PAM: variants seen among roughly 807,000 people sequenced by gnomAD.
PAM encodes peptidylglycine alpha-amidating monooxygenase.
In PAM, 72 loss-of-function variants were observed where a neutral mutation model predicts 122.1. The ratio of observed to expected loss-of-function variants is 0.59; its 90% CI spans 0.49 to 0.72. The LOEUF (loss-of-function observed/expected upper bound fraction) is 0.72. PAM is among the 30% of genes least tolerant of loss of function. The probability of loss-of-function intolerance (pLI) is 0.00; values close to 1 mark genes in which losing one functional copy is unlikely to be tolerated. For synonymous variants in PAM, 389 were observed against 404.4 expected, an observed-to-expected ratio of 0.96 and a Z score of 0.46; for missense variants, 1,106 against 1,183.7, an observed-to-expected ratio of 0.93 and a Z score of 0.96.
At chr5:102,956,772 G>T (rs1414226538) in intron 12 of PAM, among the ~76,000 whole-genome samples, 3 of 151,712 alleles carry the variant, frequency 2.0e-5, no homozygotes, top group Admixed American at 6.6e-5. Context: ...GTAAATTATT[G>T]TCCTGATTTA....
intron 12 of PAM, 25 bp downstream of exon 12, chr5:102,950,845 TTAAAGA>T (rs1392675156): frequency 7.6e-7 from 1 of 1,312,666 alleles, no homozygotes; most frequent in Admixed American, 1.8e-5. Context: ...ATTCCACTAT[TTAAAGA>T]TATTTTATTG....
At chr5:103,027,946 A>C (rs1027462090) in intron 24 of PAM, among the ~76,000 whole-genome samples, 4 of 152,180 alleles carry the variant, frequency 2.6e-5, no homozygotes, top group South Asian at 4.1e-4. Flanking sequence ...AAGCTCAGAG[A>C]AGTAATTTAT....
chr5:102,934,275 C>T (rs898326177), intron 7 of PAM, among the ~76,000 whole-genome samples: 8 of 152,108 alleles, frequency 5.3e-5, no homozygotes, highest in African/African-American at 1.9e-4. Context: ...CCTAGCCTTC[C>T]CTGAATAGGG....
At chr5:103,006,779 G>A (rs1396621452) in intron 18 of PAM, 22 bp from the exon 19 acceptor site, 2 of 1,564,384 alleles carry the variant, frequency 1.3e-6, no homozygotes. Flanking sequence ...AGTAGGTAAG[G>A]CTTTTGTTCC....
At chr5:102,955,093 G>T (rs150139582) in intron 12 of PAM, among the ~76,000 whole-genome samples, 1 of 152,004 alleles carries the variant, frequency 6.6e-6, no homozygotes, top group Non-Finnish European at 1.5e-5. Flanking sequence ...TACTATTACC[G>T]ATTTTGCCTA....
intron 3 of PAM, among the ~76,000 whole-genome samples, chr5:102,881,565 A>G (rs1179563674): frequency 2.6e-5 from 4 of 152,034 alleles, no homozygotes; most frequent in African/African-American, 4.8e-5. Context: ...AGATCATTCT[A>G]TGGAATTTTA....
At chr5:102,950,080 T>C in intron 11 of PAM, 102 bp downstream of exon 11, 1 of 715,520 alleles carries the variant, frequency 1.4e-6, no homozygotes, top group Non-Finnish European at 2.5e-6. Context: ...TCTAAAAATC[T>C]CTAAATCTGC....
At chr5:102,899,375 T>A (rs1314691372) in intron 3 of PAM, among the ~76,000 whole-genome samples, 1 of 151,626 alleles carries the variant, frequency 6.6e-6, no homozygotes, top group African/African-American at 2.4e-5. Context: ...ACTTGCTGAA[T>A]TTGATATATC....
chr5:102,853,823 A>C (rs1218644051), intron 1 of PAM, among the ~76,000 whole-genome samples: 2 of 152,260 alleles, frequency 1.3e-5, no homozygotes, highest in Non-Finnish European at 2.9e-5. Context: ...TGAAGCCCAG[A>C]GTCACTGCCA....
At chr5:103,015,498 C>T (rs1172064702) in intron 21 of PAM, among the ~76,000 whole-genome samples, 2 of 152,128 alleles carry the variant, frequency 1.3e-5, no homozygotes, top group Non-Finnish European at 2.9e-5. Context: ...ATCTTTATGT[C>T]TGTGTAGCTC....
intron 3 of PAM, among the ~76,000 whole-genome samples, chr5:102,896,648 G>A (rs1796298348): frequency 6.6e-6 from 1 of 151,568 alleles, no homozygotes; most frequent in African/African-American, 2.4e-5. Context: ...ATTTGGGAAC[G>A]TTTTAACATA....
intron 1 of PAM, among the ~76,000 whole-genome samples, chr5:102,767,859 T>G (rs547140108): frequency 6.6e-6 from 1 of 152,298 alleles, no homozygotes; most frequent in Non-Finnish European, 1.5e-5. Flanking sequence ...TGGTGTACTC[T>G]CAAGTAGATG....
chr5:102,858,989 A>G (rs1258257612), intron 1 of PAM, among the ~76,000 whole-genome samples: 1 of 151,170 alleles, frequency 6.6e-6, no homozygotes, highest in Non-Finnish European at 1.5e-5. Context: ...GTTTGTGGTG[A>G]TGCTGATGTT....
At chr5:102,929,086 AT>A (rs749765392) in intron 7 of PAM, among the ~76,000 whole-genome samples, 16 of 151,542 alleles carry the variant, frequency 1.1e-4, no homozygotes, top group Non-Finnish European at 2.2e-4. Context: ...GGATTGGGTG[AT>A]TTTTTTTTCC....
intron 18 of PAM, 144 bp from the exon 19 acceptor site, chr5:103,006,657 G>T: frequency 1.6e-6 from 1 of 634,514 alleles, no homozygotes; most frequent in Non-Finnish European, 2.8e-6. Flanking sequence ...ATCCCGTTCA[G>T]TTCTAACAAG....
Position 102,766,926 on chromosome 5 carries a change from ATTTTTTTTTTTTTTTTTT to A in PAM, c.-374+11592_-374+11609del. Among the ~76,000 whole-genome samples, 15 of 25,856 alleles carry A rather than the reference ATTTTTTTTTTTTTTTTTT, an allele frequency of 5.8e-4. 2 individuals carry two copies. The South Asian group carries it at 0.015, about 25-fold the overall frequency. The allele number at this position is 25,856 out of a possible 152,430, so 17.0% of individuals were successfully genotyped here. On this transcript the variant is annotated intron_variant, in intron 1 of 25. Coordinates refer to ENST00000438793, the MANE Select transcript of PAM (RefSeq NM_001177306.2). ...ATTTATTTTATTGCTTCAGTTGTGG[ATTTTTTTTTTTTTTTTTT>A]TTTTTTTTTTTTTGCCATCATGCTC... is the stretch of plus-strand genomic sequence containing the variant.
chr5:102,870,407 A>G (rs1383482538), intron 3 of PAM, among the ~76,000 whole-genome samples: 2 of 152,180 alleles, frequency 1.3e-5, no homozygotes, highest in Non-Finnish European at 2.9e-5. Flanking sequence ...GCAACTAACT[A>G]ATTTTACAGA....
At chr5:102,932,548 T>C (rs1316518482) in intron 7 of PAM, among the ~76,000 whole-genome samples, 1 of 148,596 alleles carries the variant, frequency 6.7e-6, no homozygotes, top group Admixed American at 6.8e-5. Flanking sequence ...CATATATGTA[T>C]GTATGTGTGT....
chr5:102,875,332 A>T (rs1484798232), intron 3 of PAM, among the ~76,000 whole-genome samples: 1 of 152,010 alleles, frequency 6.6e-6, no homozygotes, highest in Non-Finnish European at 1.5e-5. Flanking sequence ...AGCTGGAACT[A>T]CAGGCACACA....
Sources: allele counts gnomAD v4.1 joint callset (sites outside exome capture counted in the v4.1 genomes callset), GRCh38; gene constraint gnomAD v4.1.1; transcripts MANE v1.5; gene names NCBI Gene and HGNC (gene_info 2026-07-23, HGNC 2026-07-21).